FBN2: variants seen among roughly 807,000 people sequenced by gnomAD.
The protein encoded by FBN2 is fibrillin 2, also known as fibrillin-2.
A neutral mutation model predicts 355.6 loss-of-function variants in FBN2; 105 were observed. That is an observed-to-expected ratio of 0.30 (90% CI 0.25 to 0.35). The LOEUF (loss-of-function observed/expected upper bound fraction) is 0.35. Ranked by LOEUF, FBN2 falls within the 10% of genes least tolerant of loss-of-function variation. The pLI, the probability that FBN2 is intolerant of heterozygous loss-of-function variation, is 1.00. For synonymous variants in FBN2, 1,350 were observed against 1,301.2 expected, an observed-to-expected ratio of 1.04 and a Z score of -0.81; for missense variants, 3,280 against 3,758.7, an observed-to-expected ratio of 0.87 and a Z score of 3.33.
At chr5:128,521,335 G>A (rs529840695) in intron 4 of FBN2, among the ~76,000 whole-genome samples, 2 of 152,112 alleles carry the variant, frequency 1.3e-5, no homozygotes, top group East Asian at 3.9e-4. Flanking sequence ...ATGGACACTG[G>A]GAGAGGAACA....
intron 39 of FBN2, 48 bp downstream of exon 39, chr5:128,311,252 T>C (rs764835434): frequency 1.9e-6 from 3 of 1,610,076 alleles, no homozygotes; most frequent in Admixed American, 3.3e-5. Context: ...TCAGCAGCCA[T>C]TTTGTTTTAA....
intron 14 of FBN2, among the ~76,000 whole-genome samples, 163 bp downstream of exon 14, chr5:128,376,568 G>T (rs557963490): frequency 6.6e-6 from 1 of 152,272 alleles, no homozygotes; most frequent in Admixed American, 6.5e-5. Flanking sequence ...ACCACAATGT[G>T]TGTTTTTCTA....
At chr5:128,293,628 C>T (rs904937898) in intron 48 of FBN2, among the ~76,000 whole-genome samples, 3 of 151,910 alleles carry the variant, frequency 2.0e-5, no homozygotes, top group Non-Finnish European at 4.4e-5. Context: ...GAAATAAAAG[C>T]TATCCATACT....
At chr5:128,532,892 T>C (rs1756744509) in intron 2 of FBN2, among the ~76,000 whole-genome samples, 1 of 152,078 alleles carries the variant, frequency 6.6e-6, no homozygotes, top group African/African-American at 2.4e-5. Flanking sequence ...TTTTAAAAAT[T>C]AGCCTTGCAC....
chr5:128,436,148 T>C (rs1452479565), intron 7 of FBN2, among the ~76,000 whole-genome samples: 1 of 152,168 alleles, frequency 6.6e-6, no homozygotes, highest in East Asian at 1.9e-4. Context: ...GAAACTCAAA[T>C]AGTTTAGATT....
At chr5:128,359,169 G>T (rs1013895978) in intron 19 of FBN2, among the ~76,000 whole-genome samples, 1 of 151,860 alleles carries the variant, frequency 6.6e-6, no homozygotes, top group African/African-American at 2.4e-5. Flanking sequence ...AAATATAGAA[G>T]AACTTTACTC....
Position 128,278,004 on chromosome 5 carries a change from A to G in FBN2, c.7347T>C (p.Asp2449=). 6.2e-7 allele frequency: 1 copy of G among 1,614,078 alleles called. No homozygotes were observed. Among genetic ancestry groups the G allele is most frequent in the Non-Finnish European group, 8.5e-7 (1 of 1,179,968 alleles). The change falls in exon 58 of 65, where the codon GAT becomes GAC. Residue 2449 remains aspartate (D), a splice_region_variant and synonymous_variant. Transcript: ENST00000262464. The part of the protein sequence containing the change: ...HGPGYTTDGR[D]IDECKVMPNL... ...TTGGCATTACCTTACATTCATCAAT[A>G]TCTGTGGACCAAAACAACAAAAACA...
In FBN2 at chr5:128,350,964, G is replaced by A. The variant is rs763094104; in HGVS notation, c.2716C>T (p.Arg906Cys). Residue 906 changes from arginine to cysteine, a missense_variant, in exon 21 of 65, where the codon CGC becomes TGC. Transcript: ENST00000262464. ...GCTCCATTAATATTCACCTCACAGC[G>A]GCTGTCCTGGATGTTGAGCCAACAG... ...GTCWLNIQDS[R>C]CEVNINGATL... The A allele has an allele frequency of 1.2e-5, 19 of 1,614,048 alleles. No homozygotes were observed. Among genetic ancestry groups the A allele is most frequent in the Non-Finnish European group, 1.5e-5 (18 of 1,180,036 alleles).
chr5:128,305,677 T>C, intron 43 of FBN2, 41 bp from the exon 44 acceptor site: 1 of 1,610,492 alleles, frequency 6.2e-7, no homozygotes, highest in Non-Finnish European at 8.5e-7. Context: ...TCCTTTTTAG[T>C]ATTGTATTAG....
chr5:128,536,359 C>T lies in FBN2; in HGVS notation c.337+43G>A, dbSNP rs202137624. ...TGCAAGAGGTCGGCCGGAGATAGGG[C>T]CGAGTGCGCTGCCCCAAGCTGCGAT... On this transcript the variant is annotated intron_variant, in intron 2 of 64. Coordinates refer to ENST00000262464, the MANE Select transcript of FBN2 (RefSeq NM_001999.4). 29 of 1,517,018 alleles carry T rather than the reference C, an allele frequency of 1.9e-5. No individual in the cohort carries two copies. The East Asian group carries it at 6.6e-4, about 34-fold the overall frequency. The allele number at this position is 1,517,018 out of a possible 1,614,324, so 94.0% of individuals were successfully genotyped here.
At chr5:128,480,033 C>T (rs868514786) in intron 5 of FBN2, among the ~76,000 whole-genome samples, 2 of 128,676 alleles carry the variant, frequency 1.6e-5, no homozygotes, top group Non-Finnish European at 3.3e-5. Flanking sequence ...TGTATATACA[C>T]ACACACACAC....
chr5:128,290,909 G>C, intron 49 of FBN2, 25 bp from the exon 50 acceptor site: 1 of 1,608,312 alleles, frequency 6.2e-7, no homozygotes, highest in East Asian at 2.2e-5. Flanking sequence ...AAACATTACA[G>C]ATGGAATTAT....
chr5:128,301,015 T>G, intron 47 of FBN2, 79 bp from the exon 48 acceptor site: 2 of 1,372,388 alleles, frequency 1.5e-6, no homozygotes, highest in African/African-American at 2.9e-5. Flanking sequence ...CCAAATGATA[T>G]TAACATGAAT....
Position 128,290,773 on chromosome 5 carries a change from C to A in FBN2, c.6404G>T (p.Gly2135Val). 1 of 1,614,158 alleles carries A rather than the reference C, an allele frequency of 6.2e-7. No homozygotes were observed. Among genetic ancestry groups the A allele is most frequent in the Non-Finnish European group, 8.5e-7 (1 of 1,179,982 alleles). The change falls in exon 50 of 65, where the codon GGC (glycine) becomes GTC (valine). Residue 2135 changes from glycine to valine, a missense_variant. Physicochemically the swap from Gly to Val is moderately radical, Grantham distance 109 (BLOSUM62 -3). This residue lies in a region of FBN2 where 2,284 missense variants were observed against 2,749.5 expected (regional missense o/e 0.83). Transcript: ENST00000262464. ...GCACAGCTCACAGGGGTCCCCCCAG[C>A]CCTCTCCTGGCATCTTACTACAGCA... ...KCCCSKMPGE[G>V]WGDPCELCPK...
rs563108399 is a variant in FBN2 at position 128,305,717 on chromosome 5, A to C, written c.5549-81T>G. 29 of 1,599,712 alleles carry C rather than the reference A, an allele frequency of 1.8e-5. No individual in the cohort carries two copies. The East Asian group carries it at 6.2e-4, about 34-fold the overall frequency. ...ACATTCACGTCACACTTTGATGATC[A>C]ACTCTTGAAAAATTGTAGAAGAAAT... On this transcript the variant is annotated intron_variant, in intron 43 of 64. Transcript: ENST00000262464.
intron 5 of FBN2, among the ~76,000 whole-genome samples, chr5:128,486,689 T>C (rs956883155): frequency 7.2e-5 from 11 of 152,094 alleles, no homozygotes; most frequent in African/African-American, 2.7e-4. Flanking sequence ...TTGTTACATA[T>C]GTATACATGT....
chr5:128,477,992 C>T (rs181317801), intron 5 of FBN2, among the ~76,000 whole-genome samples: 3 of 152,312 alleles, frequency 2.0e-5, no homozygotes, highest in African/African-American at 4.8e-5. Flanking sequence ...AATAGAACCA[C>T]GACATCTGAG....
Position 128,330,620 on chromosome 5 carries a change from C to T in FBN2, c.4298G>A (p.Arg1433His), listed in dbSNP as rs143462011. 6.4e-5 allele frequency: 103 copies of T among 1,613,898 alleles called. No individual in the cohort carries two copies. The Middle Eastern group carries it at 9.9e-4, about 16-fold the overall frequency. ...AGTGAAACCTTCGGAGCAGGCACAG[C>T]GGTATGAGCCCGGGGTATTTACACA... is the stretch of plus-strand genomic sequence containing the variant. ...AQCVNTPGSYRCACSEGFTGD... is the reference protein window; with the variant it reads ...AQCVNTPGSYHCACSEGFTGD... Residue 1433 changes from arginine (R) to histidine (H), a missense_variant, in exon 33 of 65, where the codon CGC (arginine) becomes CAC (histidine). This residue lies in a region of FBN2 where 2,284 missense variants were observed against 2,749.5 expected (regional missense o/e 0.83). Coordinates refer to ENST00000262464, the MANE Select transcript of FBN2 (RefSeq NM_001999.4).
chr5:128,378,431 G>T (rs181694975), intron 12 of FBN2, among the ~76,000 whole-genome samples: 2 of 152,272 alleles, frequency 1.3e-5, no homozygotes, highest in East Asian at 3.9e-4. Context: ...CTTGGTGTTG[G>T]ACTATGTGTG....
Sources: allele counts gnomAD v4.1 joint callset (sites outside exome capture counted in the v4.1 genomes callset), GRCh38; gene constraint gnomAD v4.1.1; regional missense constraint gnomAD v4.1.1; transcripts MANE v1.5; gene names NCBI Gene and HGNC (gene_info 2026-07-23, HGNC 2026-07-21).